The following TENM4 variants were observed in gnomAD, a reference collection of about 807,000 sequenced individuals.
TENM4 encodes the protein teneurin transmembrane protein 4, also known as teneurin-4.
A neutral mutation model predicts 243.3 loss-of-function variants in TENM4; 82 were observed. The ratio of observed to expected loss-of-function variants is 0.34; its 90% CI spans 0.28 to 0.40. The LOEUF (loss-of-function observed/expected upper bound fraction) is 0.40. Ranked by LOEUF, TENM4 falls within the 10% of genes least tolerant of loss-of-function variation. The pLI is 1.00. For missense variants in TENM4, 3,138 were observed against 3,673.3 expected (o/e 0.85, Z 3.77); for synonymous variants, 1,412 against 1,456.3 (o/e 0.97, Z 0.69).
intron 6 of TENM4, among the ~76,000 whole-genome samples, chr11:79,054,903 G>T (rs1859901808): frequency 6.6e-6 from 1 of 152,050 alleles, no homozygotes; most frequent in Non-Finnish European, 1.5e-5. Context: ...GGCTGAGGTG[G>T]GTGGATCATC....
chr11:79,323,536 G>T (rs1454196244), intron 1 of TENM4, among the ~76,000 whole-genome samples: 1 of 152,200 alleles, frequency 6.6e-6, no homozygotes, highest in Non-Finnish European at 1.5e-5. Flanking sequence ...GACTGTGGTG[G>T]TTAATTTTGT....
intron 1 of TENM4, among the ~76,000 whole-genome samples, chr11:79,342,330 G>A (rs754381512): frequency 1.4e-4 from 21 of 152,214 alleles, no homozygotes; most frequent in Admixed American, 2.6e-4. Flanking sequence ...TCGCAATAGC[G>A]CACATGGGTG....
chr11:79,116,481 G>A (rs1291951430), intron 4 of TENM4, among the ~76,000 whole-genome samples: 2 of 147,270 alleles, frequency 1.4e-5, no homozygotes, highest in Admixed American at 6.8e-5. Flanking sequence ...TCAAGTTGAC[G>A]TTGAACATAA....
chr11:78,758,636 G>A (rs764323623), intron 18 of TENM4, among the ~76,000 whole-genome samples: 2 of 152,182 alleles, frequency 1.3e-5, no homozygotes, highest in African/African-American at 2.4e-5. Context: ...TGGTGTCCCC[G>A]ATCCTCCTTG....
chr11:78,972,555 G>C (rs1857570088), intron 6 of TENM4, among the ~76,000 whole-genome samples: 1 of 152,180 alleles, frequency 6.6e-6, no homozygotes, highest in Admixed American at 6.5e-5. Flanking sequence ...ATATCAAGAA[G>C]AGAGCCCTTT....
chr11:79,362,086 C>T (rs913706848), intron 1 of TENM4, among the ~76,000 whole-genome samples: 4 of 152,064 alleles, frequency 2.6e-5, no homozygotes, highest in Middle Eastern at 3.4e-3. Flanking sequence ...AAGGGTTGTT[C>T]CAATTGAGAG....
chr11:79,179,644 T>A (rs1181352230), intron 3 of TENM4, among the ~76,000 whole-genome samples: 1 of 151,788 alleles, frequency 6.6e-6, no homozygotes, highest in East Asian at 1.9e-4. Context: ...ATGGATGTAA[T>A]TTATAAATAA....
chr11:78,658,425 G>A lies in TENM4; in HGVS notation c.7943C>T (p.Thr2648Ile), dbSNP rs1857951036. 1 of 1,614,054 alleles carries A rather than the reference G, an allele frequency of 6.2e-7. No individual in the cohort carries two copies. The highest frequency in any genetic ancestry group is 8.5e-7 in the Non-Finnish European group (1 of 1,179,910). The change falls in exon 34 of 34, where the codon ACT becomes ATT. Residue 2648 changes from threonine (T) to isoleucine (I), a missense_variant. By Grantham distance (89) the Thr-to-Ile change is moderately conservative. Transcript: ENST00000278550. ...AAGTACTGTGTTGATCTGGGACACAGTGACGTTGACCCCATTCTCCAGGGT... is the reference window on the plus strand; with the variant it reads ...AAGTACTGTGTTGATCTGGGACACAATGACGTTGACCCCATTCTCCAGGGT... Reference protein sequence around the residue: ...RRTLENGVNVTVSQINTVLNG... With the variant: ...RRTLENGVNVIVSQINTVLNG...
At chr11:79,399,485 AT>A (rs1254837728) in intron 1 of TENM4, among the ~76,000 whole-genome samples, 2 of 152,172 alleles carry the variant, frequency 1.3e-5, no homozygotes, top group African/African-American at 2.4e-5. Flanking sequence ...TTTAAAACTG[AT>A]TGTTTGGAAT....
intron 1 of TENM4, among the ~76,000 whole-genome samples, chr11:79,364,709 C>T (rs562413995): frequency 3.3e-5 from 5 of 152,190 alleles, no homozygotes; most frequent in South Asian, 2.1e-4. Context: ...AGGCTTCTAT[C>T]ACACTGAGGC....
intron 4 of TENM4, among the ~76,000 whole-genome samples, chr11:79,139,777 A>AATATATATTATAT (rs1555016068): frequency 1.9e-4 from 5 of 26,790 alleles, no homozygotes; most frequent in African/African-American, 4.3e-4. Flanking sequence ...ATAAATATAT[A>AATATATATTATAT]ATATATATTA....
chr11:78,852,869 C>T (rs1054172452), intron 12 of TENM4, among the ~76,000 whole-genome samples: 1 of 152,098 alleles, frequency 6.6e-6, no homozygotes, highest in African/African-American at 2.4e-5. Flanking sequence ...CCCACCTCAG[C>T]CTCCTGAGCA....
At chr11:79,157,527 T>G (rs1591321424) in intron 3 of TENM4, among the ~76,000 whole-genome samples, 1 of 152,150 alleles carries the variant, frequency 6.6e-6, no homozygotes, top group Non-Finnish European at 1.5e-5. Flanking sequence ...AAGACCCAGG[T>G]CTTGCCATCT....
rs371219135 is a variant in TENM4 at position 79,338,229 on chromosome 11, C to A, written c.-320-40686G>T. 2.6e-5 allele frequency among the ~76,000 whole-genome samples: 4 copies of A among 152,308 alleles called. No homozygotes were observed. The East Asian group carries it at 7.7e-4, about 29-fold the overall frequency. ...CAGCATGTTCCAACCACAATAAAAA[C>A]CAGGGAGGTTTGCATGTCCTCACCT... On this transcript the variant is annotated intron_variant, in intron 1 of 33. Coordinates refer to ENST00000278550, the MANE Select transcript of TENM4 (RefSeq NM_001098816.3).
intron 6 of TENM4, among the ~76,000 whole-genome samples, chr11:78,911,074 G>C (rs1856173866): frequency 6.6e-6 from 1 of 152,218 alleles, no homozygotes; most frequent in Admixed American, 6.5e-5. Context: ...AAATTGCTTT[G>C]CATTTTACAA....
intron 3 of TENM4, among the ~76,000 whole-genome samples, chr11:79,194,322 A>T (rs1325895282): frequency 1.3e-5 from 2 of 151,866 alleles, no homozygotes; most frequent in Non-Finnish European, 2.9e-5. Flanking sequence ...GGCATTGCTG[A>T]AAAGATACCT....
In TENM4 at chr11:78,668,944, G is replaced by C. The variant is rs1414646546; in HGVS notation, c.7401C>G (p.Phe2467Leu). 3 of 1,612,562 alleles carry C rather than the reference G, an allele frequency of 1.9e-6. No individual in the cohort carries two copies. The South Asian group carries it at 3.3e-5, about 18-fold the overall frequency. The change falls in exon 32 of 34, where the codon TTC becomes TTG. Residue 2467 changes from phenylalanine (F) to leucine (L), a missense_variant. By Grantham distance (22) the Phe-to-Leu change is conservative. This residue lies in a region of TENM4 where 2,467 missense variants were observed against 3,059.1 expected (regional missense o/e 0.81). Transcript: ENST00000278550. Reference sequence around the variant, plus strand: ...GTGAGCCGTGGTCCTTACCTGTCATGAAGCACTTGATGTCCTGGGAGTTGC... The same window carrying C: ...GTGAGCCGTGGTCCTTACCTGTCATCAAGCACTTGATGTCCTGGGAGTTGC... ...PISNSQDIKC[F>L]MTDVNSWLLT...
At chr11:79,140,381 C>T (rs1373772167) in intron 4 of TENM4, among the ~76,000 whole-genome samples, 1 of 152,140 alleles carries the variant, frequency 6.6e-6, no homozygotes, top group Non-Finnish European at 1.5e-5. Context: ...CAGTCCTAAG[C>T]CTCACCTATT....
In TENM4 at chr11:78,934,997, C is replaced by CTTTTTTT. The variant is rs530062569; in HGVS notation, c.494-31481_494-31475dup. ...ATTTTGTGAGTGAGGAAGTATGCAA[C>CTTTTTTT]TTTTTTTTTTTTTTTTTTTTTTTTT... On this transcript the variant is annotated intron_variant, in intron 6 of 33. Transcript: ENST00000278550. Among the ~76,000 whole-genome samples the CTTTTTTT allele has an allele frequency of 2.2e-3, 175 of 81,096 alleles. 21 individuals carry two copies. The highest frequency in any genetic ancestry group is 6.2e-3 in the African/African-American group (118 of 19,018). The allele number at this position is 81,096 out of a possible 152,430, so 53.2% of individuals were successfully genotyped here.
Sources: allele counts gnomAD v4.1 joint callset (sites outside exome capture counted in the v4.1 genomes callset), GRCh38; gene constraint gnomAD v4.1.1; regional missense constraint gnomAD v4.1.1; transcripts MANE v1.5; gene names NCBI Gene and HGNC (gene_info 2026-07-23, HGNC 2026-07-21).